Variants in CHRM3 observed in about 807,000 individuals in gnomAD.
The protein encoded by CHRM3 is cholinergic receptor muscarinic 3, also known as muscarinic acetylcholine receptor M3.
In CHRM3, 11 loss-of-function variants were observed where a neutral mutation model predicts 41.8. That is an observed-to-expected ratio of 0.26 (90% CI 0.17 to 0.44). CHRM3 has a LOEUF of 0.44. Ranked by LOEUF, CHRM3 falls within the 20% of genes least tolerant of loss-of-function variation. The pLI, the probability that CHRM3 is intolerant of heterozygous loss-of-function variation, is 1.00. For synonymous variants in CHRM3, 297 were observed against 301.4 expected (o/e 0.99, Z 0.15); for missense variants, 571 against 745.4 (o/e 0.77, Z 2.72).
chr1:239,612,771 G>T (rs1260774412), intron 3 of CHRM3, among the ~76,000 whole-genome samples: 1 of 152,130 alleles, frequency 6.6e-6, no homozygotes, highest in Non-Finnish European at 1.5e-5. Context: ...AGGTGGGATG[G>T]ACTCACCAAA....
At chr1:239,838,208 T>C (rs554812870) in intron 6 of CHRM3, among the ~76,000 whole-genome samples, 1 of 152,100 alleles carries the variant, frequency 6.6e-6, no homozygotes, top group Non-Finnish European at 1.5e-5. Flanking sequence ...AAGAAAGGGG[T>C]CTATCAGTGA....
At chr1:239,489,175 A>C (rs1265906363) in intron 1 of CHRM3, among the ~76,000 whole-genome samples, 1 of 152,168 alleles carries the variant, frequency 6.6e-6, no homozygotes, top group Admixed American at 6.5e-5. Context: ...GCAGTTTGGG[A>C]GGCCAAGGCA....
intron 6 of CHRM3, among the ~76,000 whole-genome samples, chr1:239,895,049 T>A (rs1678880033): frequency 6.6e-6 from 1 of 152,216 alleles, no homozygotes; most frequent in Non-Finnish European, 1.5e-5. Flanking sequence ...TATGTGATGC[T>A]CCTTTTCCTC....
At chr1:239,394,266 T>C (rs528614011) in intron 1 of CHRM3, among the ~76,000 whole-genome samples, 1 of 152,186 alleles carries the variant, frequency 6.6e-6, no homozygotes, top group Non-Finnish European at 1.5e-5. Flanking sequence ...TAGGGGAGAA[T>C]CCTTCCTTTC....
chr1:239,686,781 A>G (rs1197666840), intron 5 of CHRM3, among the ~76,000 whole-genome samples: 2 of 152,200 alleles, frequency 1.3e-5, no homozygotes, highest in Non-Finnish European at 2.9e-5. Flanking sequence ...AAATTATGCA[A>G]TCAACTAATT....
chr1:239,739,167 G>C (rs1664636336), intron 5 of CHRM3, among the ~76,000 whole-genome samples: 1 of 152,146 alleles, frequency 6.6e-6, no homozygotes, highest in Non-Finnish European at 1.5e-5. Context: ...TTATGTATTT[G>C]ACAGGGCACA....
At chr1:239,408,520 T>G (rs1340442357) in intron 1 of CHRM3, among the ~76,000 whole-genome samples, 1 of 62,668 alleles carries the variant, frequency 1.6e-5, no homozygotes, top group Non-Finnish European at 2.8e-5. Flanking sequence ...AGAGACTCCG[T>G]CAAAAAAAAA....
In CHRM3 at chr1:239,387,334, G is replaced by A. The variant is rs539300124; in HGVS notation, c.-521+107G>A. ...GCGAAAGGAGGAAAAAGTTTTCGGC[G>A]CGGGTAGGAGAGGTCTTGTGTTTGG... is the stretch of plus-strand genomic sequence containing the variant. On this transcript the variant is annotated intron_variant, in intron 1 of 6. Coordinates refer to ENST00000676153, the MANE Select transcript of CHRM3 (RefSeq NM_001375978.1). The surrounding 1 kb of genome is among the most constrained non-coding windows in gnomAD (Gnocchi z 5.1). The A allele has an allele frequency of 1.3e-5, 2 of 152,182 alleles. No homozygotes were observed. The highest frequency in any genetic ancestry group is 2.4e-5 in the African/African-American group (1 of 41,508). The allele number at this position is 152,182 out of a possible 1,614,324, so 9.4% of individuals were successfully genotyped here. A position where few individuals can be genotyped will look rare whatever the true frequency, so the allele number is the denominator to read the frequency against.
chr1:239,453,410 AATTG>A (rs948034035), intron 1 of CHRM3, among the ~76,000 whole-genome samples: 2 of 152,200 alleles, frequency 1.3e-5, no homozygotes, highest in African/African-American at 2.4e-5. Flanking sequence ...TCTTTTTAGA[AATTG>A]ATTGATTTCT....
intron 4 of CHRM3, among the ~76,000 whole-genome samples, chr1:239,671,421 T>C (rs898269754): frequency 2.6e-5 from 4 of 152,096 alleles, no homozygotes; most frequent in African/African-American, 9.7e-5. Flanking sequence ...ACATTTTGTA[T>C]TAATTAGCTG....
At chr1:239,672,599 T>TACACACAC (rs35094370) in intron 4 of CHRM3, among the ~76,000 whole-genome samples, 3,866 of 145,910 alleles carry the variant, frequency 0.026, 153 homozygotes, top group African/African-American at 0.081. Flanking sequence ...TTCTTCCCAC[T>TACACACAC]ACACACACAC....
At chr1:239,710,328 G>A (rs929789759) in intron 5 of CHRM3, among the ~76,000 whole-genome samples, 1 of 152,012 alleles carries the variant, frequency 6.6e-6, no homozygotes, top group Non-Finnish European at 1.5e-5. Context: ...GATCAATCTT[G>A]CAGTTGATCA....
intron 3 of CHRM3, among the ~76,000 whole-genome samples, chr1:239,549,393 T>G (rs1187815085): frequency 6.6e-6 from 1 of 151,346 alleles, no homozygotes; most frequent in Non-Finnish European, 1.5e-5. Flanking sequence ...CAGTGGCCTA[T>G]AATCCCAGCA....
chr1:239,458,915 C>T (rs1037497175), intron 1 of CHRM3, among the ~76,000 whole-genome samples: 3 of 152,094 alleles, frequency 2.0e-5, no homozygotes, highest in African/African-American at 4.8e-5. Context: ...GGAACTCTTC[C>T]GGCTACTTGC....
intron 6 of CHRM3, among the ~76,000 whole-genome samples, chr1:239,901,115 C>T (rs1679515860): frequency 4.6e-5 from 7 of 152,150 alleles, no homozygotes. Flanking sequence ...GAGCAGCTGC[C>T]ACCTCTGGGC....
At chr1:239,846,243 G>A (rs898025555) in intron 6 of CHRM3, among the ~76,000 whole-genome samples, 9 of 152,090 alleles carry the variant, frequency 5.9e-5, no homozygotes, top group South Asian at 4.1e-4. Flanking sequence ...TCCAGAAAAC[G>A]CTTTCTCTTG....
chr1:239,496,518 TG>T (rs2148102935), intron 2 of CHRM3, among the ~76,000 whole-genome samples: 1 of 98,930 alleles, frequency 1.0e-5, no homozygotes, highest in East Asian at 3.1e-4. Flanking sequence ...CTAGTGTGTG[TG>T]TGTGTGTGTG....
intron 6 of CHRM3, among the ~76,000 whole-genome samples, chr1:239,881,090 T>C (rs1014894798): frequency 3.3e-5 from 5 of 151,838 alleles, no homozygotes; most frequent in African/African-American, 7.3e-5. Context: ...GAGACCATCC[T>C]GGCTAACACG....
intron 5 of CHRM3, among the ~76,000 whole-genome samples, chr1:239,696,244 G>A (rs1239943512): frequency 6.6e-6 from 1 of 152,080 alleles, no homozygotes; most frequent in Non-Finnish European, 1.5e-5. Context: ...TCTTATACCT[G>A]TTCCGTGACT....
Sources: allele counts gnomAD v4.1 joint callset (sites outside exome capture counted in the v4.1 genomes callset), GRCh38; gene constraint gnomAD v4.1.1; non-coding constraint Gnocchi (gnomAD v3.1); transcripts MANE v1.5; gene names NCBI Gene and HGNC (gene_info 2026-07-23, HGNC 2026-07-21).